Variants in CTTNBP2 observed in about 807,000 individuals in gnomAD.
CTTNBP2 encodes the protein cortactin binding protein 2, also known as cortactin-binding protein 2.
Under a neutral mutation model 156.9 loss-of-function variants are expected in CTTNBP2, and 108 were observed. The ratio of observed to expected loss-of-function variants is 0.69; its 90% CI spans 0.59 to 0.81. The LOEUF (loss-of-function observed/expected upper bound fraction) is 0.81. Ranked by LOEUF, CTTNBP2 falls within the 30% of genes least tolerant of loss-of-function variation. The pLI, the probability that CTTNBP2 is intolerant of heterozygous loss-of-function variation, is 0.00. For missense variants in CTTNBP2, 1,924 were observed against 2,035.4 expected, an observed-to-expected ratio of 0.95 and a Z score of 1.05; for synonymous variants, 767 against 751.8, an observed-to-expected ratio of 1.02 and a Z score of -0.33.
At chr7:117,765,021 T>C (rs1410332358) in intron 9 of CTTNBP2, among the ~76,000 whole-genome samples, 1 of 152,142 alleles carries the variant, frequency 6.6e-6, no homozygotes, top group African/African-American at 2.4e-5. Flanking sequence ...CTGCAACCTC[T>C]GCCTCCCGGG....
At chr7:117,872,382 C>T (rs1024143861) in intron 1 of CTTNBP2, among the ~76,000 whole-genome samples, 1 of 152,196 alleles carries the variant, frequency 6.6e-6, no homozygotes, top group African/African-American at 2.4e-5. Context: ...GCAGCCAGAT[C>T]TGGCCAAGAG....
chr7:117,791,853 G>A lies in CTTNBP2; in HGVS notation c.1343C>T (p.Ala448Val). The A allele has an allele frequency of 6.2e-7, 1 of 1,614,112 alleles. No homozygotes were observed. Among genetic ancestry groups the A allele is most frequent in the South Asian group, 1.1e-5 (1 of 91,086 alleles). ...AGCATTGCCCTGAAATCTAAATCTA[G>A]CTGCTTGGATTCGTGGGTTTAGACC... ...HPGLNPRIQA[A>V]RFRFQGNAND... is the part of the protein sequence containing the mutation. The change falls in exon 4 of 23, where the codon GCT (alanine) becomes GTT (valine). Residue 448 changes from alanine (A) to valine (V), a missense_variant. Ala to Val is a moderately conservative substitution (Grantham distance 64, BLOSUM62 0). Transcript: ENST00000160373.
chr7:117,871,840 C>A, intron 1 of CTTNBP2: 1 of 330,024 alleles, frequency 3.0e-6, no homozygotes, highest in Non-Finnish European at 3.4e-6. Context: ...TTCGTCCTTC[C>A]CCTTCACACA....
intron 6 of CTTNBP2, among the ~76,000 whole-genome samples, chr7:117,781,789 T>C (rs901115572): frequency 1.3e-5 from 2 of 152,130 alleles, no homozygotes; most frequent in Non-Finnish European, 1.5e-5. Context: ...TCCTTCCTGT[T>C]TGCAAAGTTA....
At chr7:117,858,264 A>C (rs889978925) in intron 2 of CTTNBP2, among the ~76,000 whole-genome samples, 1 of 152,114 alleles carries the variant, frequency 6.6e-6, no homozygotes, top group Non-Finnish European at 1.5e-5. Context: ...CAGCTACTTG[A>C]GTGGCTGAGG....
intron 4 of CTTNBP2, among the ~76,000 whole-genome samples, chr7:117,785,306 A>C (rs1277539613): frequency 1.3e-5 from 2 of 152,246 alleles, no homozygotes; most frequent in Non-Finnish European, 2.9e-5. Flanking sequence ...TGCATATAGC[A>C]TGAAAAATTT....
At chr7:117,766,735 G>A (rs1163439530) in intron 9 of CTTNBP2, among the ~76,000 whole-genome samples, 2 of 152,110 alleles carry the variant, frequency 1.3e-5, no homozygotes, top group Non-Finnish European at 2.9e-5. Flanking sequence ...GTACATAGCT[G>A]GGATTTTTCA....
chr7:117,724,346 G>A (rs978097230), intron 19 of CTTNBP2, among the ~76,000 whole-genome samples: 1 of 152,090 alleles, frequency 6.6e-6, no homozygotes, highest in Non-Finnish European at 1.5e-5. Flanking sequence ...GTTTGAAAGC[G>A]GTATTTTTCA....
At chr7:117,856,998 C>T (rs753103971) in intron 2 of CTTNBP2, among the ~76,000 whole-genome samples, 23 of 152,142 alleles carry the variant, frequency 1.5e-4, no homozygotes, top group Admixed American at 3.9e-4. Context: ...AAATTGTGTA[C>T]GCAGATTTTG....
intron 3 of CTTNBP2, among the ~76,000 whole-genome samples, chr7:117,800,406 T>A (rs1584446155): frequency 6.6e-6 from 1 of 152,116 alleles, no homozygotes; most frequent in African/African-American, 2.4e-5. Flanking sequence ...ATATTCTATA[T>A]CTTGTTGGTG....
chr7:117,831,993 C>T (rs959643137), intron 2 of CTTNBP2, among the ~76,000 whole-genome samples: 1 of 152,104 alleles, frequency 6.6e-6, no homozygotes, highest in African/African-American at 2.4e-5. Flanking sequence ...CCCTTAAATT[C>T]AACTACCTGT....
chr7:117,732,417 G>A (rs1211841523), intron 16 of CTTNBP2, among the ~76,000 whole-genome samples: 3 of 151,882 alleles, frequency 2.0e-5, no homozygotes, highest in Non-Finnish European at 2.9e-5. Flanking sequence ...TTGGGAGGCC[G>A]AGGTGGGTGG....
Position 117,718,184 on chromosome 7 carries a change from C to CT in CTTNBP2, c.4645-66dup, listed in dbSNP as rs1224760716. 15 of 953,712 alleles carry CT rather than the reference C, an allele frequency of 1.6e-5. 1 individual carries two copies. The highest frequency in any genetic ancestry group is 2.5e-5 in the Non-Finnish European group (15 of 591,702). 59.1% of individuals were successfully genotyped at this position (953,712 alleles called of 1,614,324 possible). A position where few individuals can be genotyped will look rare whatever the true frequency, so the allele number is the denominator to read the frequency against. ...CACACTGTGCATACTCAAGGCACAG[C>CT]TAAATGGTGGAGAAATCACAGCAGA... On this transcript the variant is annotated intron_variant, in intron 21 of 22. Coordinates refer to ENST00000160373, the MANE Select transcript of CTTNBP2 (RefSeq NM_033427.3).
At chr7:117,734,579 G>A (rs1357049527) in intron 16 of CTTNBP2, among the ~76,000 whole-genome samples, 1 of 152,230 alleles carries the variant, frequency 6.6e-6, no homozygotes, top group Non-Finnish European at 1.5e-5. Context: ...GTGCTCACAA[G>A]GGTGTATGTT....
At chr7:117,783,044 C>A in intron 5 of CTTNBP2, 83 bp from the exon 6 acceptor site, 2 of 968,626 alleles carry the variant, frequency 2.1e-6, no homozygotes, top group East Asian at 2.4e-5. Flanking sequence ...TAGATAGATT[C>A]TAATCCCAAA....
rs149087792 is a variant in CTTNBP2, at chr7:117,833,035, G to A, written c.190-22046C>T. The stretch of plus-strand genomic sequence containing the variant: ...CTCCCAAAGTGCTGGGATTACAGGC[G>A]TGAGCCACCGCATCTGGCCCATCAA... On this transcript the variant is annotated intron_variant, in intron 2 of 22. Coordinates refer to ENST00000160373, the MANE Select transcript of CTTNBP2 (RefSeq NM_033427.3). Among the ~76,000 whole-genome samples the A allele has an allele frequency of 3.7e-3, 557 of 152,048 alleles. 3 individuals are homozygous for A. The highest frequency in any genetic ancestry group is 0.013 in the African/African-American group (526 of 41,490).
chr7:117,751,382 A>G (rs1017826444), intron 12 of CTTNBP2, among the ~76,000 whole-genome samples: 2 of 152,250 alleles, frequency 1.3e-5, no homozygotes, highest in African/African-American at 4.8e-5. Context: ...AACGAAAAAT[A>G]AAAGGGCATT....
At chr7:117,716,103 C>T (rs943959968) in intron 22 of CTTNBP2, 1 of 151,990 alleles carries the variant, frequency 6.6e-6, no homozygotes, top group African/African-American at 2.4e-5. Context: ...GTCCTAATTC[C>T]CACATCAAAT....
At chr7:117,781,665 G>A (rs1029263474) in intron 6 of CTTNBP2, among the ~76,000 whole-genome samples, 1 of 152,208 alleles carries the variant, frequency 6.6e-6, no homozygotes, top group Non-Finnish European at 1.5e-5. Flanking sequence ...TTAGACCCAG[G>A]AGGCGGAGGT....
Sources: gnomAD v4.1 joint callset for allele counts (sites outside exome capture counted in the v4.1 genomes callset) on GRCh38, gnomAD v4.1.1 for gene constraint, MANE v1.5 for transcripts, NCBI Gene and HGNC (gene_info 2026-07-23, HGNC 2026-07-21) for gene names.